The following DAAM2 variants were observed in gnomAD, a reference collection of about 807,000 sequenced individuals.
DAAM2 encodes the protein dishevelled associated activator of morphogenesis 2.
DAAM2 carries 39 observed loss-of-function variants against 120.7 expected under a neutral mutation model. That is an observed-to-expected ratio of 0.32 (90% CI 0.25 to 0.42). The LOEUF is 0.42. Among genes scored for constraint, DAAM2 ranks in the 10% least tolerant of loss-of-function variants. The pLI, the probability that DAAM2 is intolerant of heterozygous loss-of-function variation, is 1.00. For synonymous variants in DAAM2, 488 were observed against 524.9 expected, an observed-to-expected ratio of 0.93 and a Z score of 0.96; for missense variants, 1,283 against 1,401.7, an observed-to-expected ratio of 0.92 and a Z score of 1.35.
At chr6:39,850,574 A>G (rs969560953) in intron 1 of DAAM2, among the ~76,000 whole-genome samples, 5 of 152,198 alleles carry the variant, frequency 3.3e-5, no homozygotes, top group African/African-American at 9.7e-5. Flanking sequence ...ATTTGTTTGA[A>G]TGAGACACTA....
At chr6:39,845,402 T>C in intron 1 of DAAM2, among the ~76,000 whole-genome samples, 1 of 2,908 alleles carries the variant, frequency 3.4e-4, no homozygotes, top group African/African-American at 1.2e-3. Flanking sequence ...CACATACACA[T>C]TCCCTACCTA....
In DAAM2 at chr6:39,873,334, C is replaced by T. The variant is rs1207420939; in HGVS notation, c.1141C>T (p.His381Tyr). Residue 381 changes from histidine (H) to tyrosine (Y), a missense_variant, in exon 10 of 25, where the codon CAC (histidine) becomes TAC (tyrosine). Transcript: ENST00000274867. Reference sequence around the variant, plus strand: ...CTACCCCTGCCTGCTCTCTGTGCTGCACCACTGCCTGCAGATGCCCTGTAA... The same window carrying T: ...CTACCCCTGCCTGCTCTCTGTGCTGTACCACTGCCTGCAGATGCCCTGTAA... Reference protein sequence around the residue: ...EAYPCLLSVLHHCLQMPYKRN... With the variant: ...EAYPCLLSVLYHCLQMPYKRN... 7.4e-6 allele frequency: 12 copies of T among 1,612,258 alleles called. No individual in the cohort carries two copies. Among genetic ancestry groups the T allele is most frequent in the Non-Finnish European group, 1.0e-5 (12 of 1,178,758 alleles).
At chr6:39,874,108 G>A (rs933412637) in intron 10 of DAAM2, among the ~76,000 whole-genome samples, 1 of 152,196 alleles carries the variant, frequency 6.6e-6, no homozygotes, top group African/African-American at 2.4e-5. Flanking sequence ...GGCGTGATGT[G>A]AGGTCCTTTA....
intron 1 of DAAM2, among the ~76,000 whole-genome samples, chr6:39,840,219 A>G (rs899886327): frequency 1.3e-5 from 2 of 151,896 alleles, no homozygotes; most frequent in African/African-American, 4.9e-5. Flanking sequence ...AGAGTGAGAC[A>G]ATGTCTCAAA....
At chr6:39,808,532 C>A (rs1435600712) in intron 1 of DAAM2, among the ~76,000 whole-genome samples, 1 of 152,238 alleles carries the variant, frequency 6.6e-6, no homozygotes, top group Non-Finnish European at 1.5e-5. Context: ...AAGTACCCAC[C>A]ACTGGGAATT....
Position 39,903,239 on chromosome 6 carries a change from A to G in DAAM2, c.*1202A>G, listed in dbSNP as rs1447417747. 1 of 152,508 alleles carries G rather than the reference A, an allele frequency of 6.6e-6. No individual in the cohort carries two copies. Among genetic ancestry groups the G allele is most frequent in the Non-Finnish European group, 1.5e-5 (1 of 68,248 alleles). The allele number at this position is 152,508 out of a possible 1,614,324, so 9.4% of individuals were successfully genotyped here. On this transcript the variant is annotated 3_prime_UTR_variant, in exon 25 of 25. Transcript: ENST00000274867. ...TCTCAGGCGTTCAGATGGTGCGAAC[A>G]GCAGAGCAGGCAAGGGAAACTGGGG...
Position 39,889,600 on chromosome 6 carries a change from A to G in DAAM2, c.2145+837A>G, listed in dbSNP as rs1292805826. On this transcript the variant is annotated intron_variant, in intron 17 of 24. Coordinates refer to ENST00000274867, the MANE Select transcript of DAAM2 (RefSeq NM_001201427.2). ...TACTGACTAAAATAAATACACAAGAATAAAGTTGACCCTTAATAATGTGGG... is the reference window on the plus strand; with the variant it reads ...TACTGACTAAAATAAATACACAAGAGTAAAGTTGACCCTTAATAATGTGGG... Among the ~76,000 whole-genome samples, 4 of 152,212 alleles carry G rather than the reference A, an allele frequency of 2.6e-5. No homozygotes were observed. The East Asian group carries it at 7.7e-4, about 29-fold the overall frequency.
intron 14 of DAAM2, among the ~76,000 whole-genome samples, chr6:39,881,647 A>G (rs577905000): frequency 5.9e-5 from 9 of 152,210 alleles, no homozygotes; most frequent in Non-Finnish European, 4.4e-5. Context: ...TGGGGGGCGG[A>G]GGTTGTAATG....
chr6:39,845,463 TACC>T (rs1393640426), intron 1 of DAAM2, among the ~76,000 whole-genome samples: 4 of 90,504 alleles, frequency 4.4e-5, no homozygotes, highest in African/African-American at 1.7e-4. Context: ...CAAATATATG[TACC>T]ACACCACATA....
chr6:39,864,840 C>A, intron 4 of DAAM2, 140 bp from the exon 5 acceptor site: 1 of 1,036,262 alleles, frequency 9.7e-7, no homozygotes, highest in Non-Finnish European at 1.4e-6. Flanking sequence ...TAGGTCTTCC[C>A]AGGGGCCGAC....
At chr6:39,822,633 T>C (rs1762527840) in intron 1 of DAAM2, 1 of 152,262 alleles carries the variant, frequency 6.6e-6, no homozygotes, top group African/African-American at 2.4e-5. Context: ...GACTTGTGAC[T>C]AATTTTGTAG....
At chr6:39,851,477 T>C (rs1164320270) in intron 1 of DAAM2, among the ~76,000 whole-genome samples, 1 of 152,204 alleles carries the variant, frequency 6.6e-6, no homozygotes, top group Non-Finnish European at 1.5e-5. Flanking sequence ...GTGTCTGGCA[T>C]GTAGGAAAGT....
intron 10 of DAAM2, 145 bp downstream of exon 10, chr6:39,873,500 A>G (rs1229846068): frequency 1.6e-6 from 1 of 632,798 alleles, no homozygotes; most frequent in African/African-American, 1.8e-5. Flanking sequence ...AGGCCCCATG[A>G]CGGAGGCCCC....
rs748771781 is a variant in DAAM2, at chr6:39,864,483, C to T, written c.309C>T (p.Ile103=). ...CAACCAGCTGGCCTGACTATTACAT[C>T]GACCGCATCAATTCCATGGCTGCGG... ...KLATSWPDYY[I]DRINSMAAMQ... Residue 103 remains isoleucine (I), a synonymous_variant, in exon 4 of 25, where the codon ATC becomes ATT. Transcript: ENST00000274867. 2 of 1,612,364 alleles carry T rather than the reference C, an allele frequency of 1.2e-6. No homozygotes were observed. The highest frequency in any genetic ancestry group is 1.7e-6 in the Non-Finnish European group (2 of 1,179,692).
Position 39,861,163 on chromosome 6 carries a change from G to C in DAAM2, c.258+146G>C, listed in dbSNP as rs1022131994. 9.6e-6 allele frequency: 7 copies of C among 726,424 alleles called. No homozygotes were observed. In the Admixed American group the frequency reaches 1.4e-4, roughly 15 times the overall value. The allele number at this position is 726,424 out of a possible 1,614,324, so 45.0% of individuals were successfully genotyped here. ...TGGAGGAACAACAGTGAATAAAATA[G>C]AAAAAGGAAATTCTGCTGTCCTGGA... On this transcript the variant is annotated intron_variant, in intron 3 of 24. Coordinates refer to ENST00000274867, the MANE Select transcript of DAAM2 (RefSeq NM_001201427.2).
chr6:39,849,958 G>A (rs1562025299), intron 1 of DAAM2, among the ~76,000 whole-genome samples: 1 of 152,170 alleles, frequency 6.6e-6, no homozygotes, highest in Admixed American at 6.5e-5. Flanking sequence ...AGCAATGTCC[G>A]CCTGTGGAGC....
At chr6:39,793,354 T>C (rs1167051459) in intron 1 of DAAM2, among the ~76,000 whole-genome samples, 2 of 99,366 alleles carry the variant, frequency 2.0e-5, no homozygotes, top group Non-Finnish European at 3.9e-5. Flanking sequence ...GTCTGAGCTG[T>C]GGGGTGGAGG....
In DAAM2 at chr6:39,892,990, A is replaced by G. The variant is rs79016604; in HGVS notation, c.2341+1268A>G. Among the ~76,000 whole-genome samples the G allele has an allele frequency of 7.0e-4, 107 of 152,326 alleles. No individual in the cohort carries two copies. In the East Asian group the frequency reaches 0.017, roughly 24 times the overall value. On this transcript the variant is annotated intron_variant, in intron 19 of 24. Coordinates refer to ENST00000274867, the MANE Select transcript of DAAM2 (RefSeq NM_001201427.2). ...TCTGGCCATATCTCCTGCCCTGGTG[A>G]TGGGTGAATCCTTATCTTCTTCACA...
At position 39,902,220 on chromosome 6, in the gene DAAM2, C is replaced by A. The variant is rs1766536222; in HGVS notation, c.*183C>A. The A allele has an allele frequency of 2.1e-6, 1 of 475,620 alleles. No individual in the cohort carries two copies. The highest frequency in any genetic ancestry group is 3.4e-5 in the East Asian group (1 of 29,588). The allele number at this position is 475,620 out of a possible 1,614,324, so 29.5% of individuals were successfully genotyped here. On this transcript the variant is annotated 3_prime_UTR_variant, in exon 25 of 25. Coordinates refer to ENST00000274867, the MANE Select transcript of DAAM2 (RefSeq NM_001201427.2). ...CCCACGCTTACCTTAAGGGGCTCCT[C>A]TTATCTCCCCTTCACATGATTCCTT... is the stretch of plus-strand genomic sequence containing the variant.
Sources: allele counts gnomAD v4.1 joint callset (sites outside exome capture counted in the v4.1 genomes callset), GRCh38; gene constraint gnomAD v4.1.1; transcripts MANE v1.5; gene names NCBI Gene and HGNC (gene_info 2026-07-23, HGNC 2026-07-21).